Variants in SKI observed in about 807,000 individuals in gnomAD.
SKI encodes SKI proto-oncogene, also known as ski oncogene.
A neutral mutation model predicts 59.3 loss-of-function variants in SKI; 23 were observed. That is an observed-to-expected ratio of 0.39 (90% CI 0.28 to 0.55). The LOEUF (loss-of-function observed/expected upper bound fraction) is 0.55, where lower values mean the gene tolerates loss of function less well. Among genes scored for constraint, SKI ranks in the 20% least tolerant of loss-of-function variants. The probability of loss-of-function intolerance (pLI) is 0.67; values close to 1 mark genes in which losing one functional copy is unlikely to be tolerated. For synonymous variants in SKI, 673 were observed against 488.6 expected (o/e 1.38, Z -4.98); for missense variants, 1,017 against 1,038.9 (o/e 0.98, Z 0.29).
Position 2,303,896 on chromosome 1 carries a change from C to T in SKI, c.1268C>T (p.Pro423Leu), listed in dbSNP as rs752779978. The T allele has an allele frequency of 2.2e-5, 36 of 1,612,214 alleles. No homozygotes were observed. Among genetic ancestry groups the T allele is most frequent in the Non-Finnish European group, 2.7e-5 (32 of 1,179,812 alleles). ...GTGGCGCCCAACGTGGCCCTCGCAC[C>T]GCCGGCCCAGCAGAAGGTTGTGAGC... Reference protein sequence around the residue: ...TAVAPNVALAPPAQQKVVSSP... With the variant: ...TAVAPNVALALPAQQKVVSSP... Residue 423 changes from proline to leucine, a missense_variant, in exon 4 of 7, where the codon CCG (proline) becomes CTG (leucine). Transcript: ENST00000378536. This position sits in a 1 kb window ranked among gnomAD's most constrained non-coding sequence, Gnocchi z 5.6.
chr1:2,261,469 C>T (rs578165295), intron 1 of SKI, among the ~76,000 whole-genome samples: 13 of 152,178 alleles, frequency 8.5e-5, no homozygotes, highest in Non-Finnish European at 1.8e-4. Flanking sequence ...CAGGTTTTTA[C>T]CATCTTTTGT....
chr1:2,252,143 C>T (rs748257699), intron 1 of SKI, among the ~76,000 whole-genome samples: 9 of 152,174 alleles, frequency 5.9e-5, no homozygotes, highest in East Asian at 1.9e-4. Context: ...GCAGGTAGGG[C>T]GCTCTTCAGA....
At chr1:2,290,820 T>A (rs1282526566) in intron 1 of SKI, among the ~76,000 whole-genome samples, 1 of 152,326 alleles carries the variant, frequency 6.6e-6, no homozygotes, top group Non-Finnish European at 1.5e-5. Flanking sequence ...CTGCCGCTCT[T>A]ACGAAACACT....
chr1:2,303,299 T>G lies in SKI; in HGVS notation c.1110T>G (p.Val370=), dbSNP rs1640473889. ...TTTCTCGACAGAGCCTGGGCTGTGT[T>G]CACCCTCGCCAGCGCCTCTCTGCTT... is the stretch of plus-strand genomic sequence containing the variant. The part of the protein sequence containing the change: ...AGSSNKSLGC[V]HPRQRLSAFR... The change falls in exon 3 of 7, where the codon GTT becomes GTG. Residue 370 remains valine, a synonymous_variant. Coordinates refer to ENST00000378536, the MANE Select transcript of SKI (RefSeq NM_003036.4). This position sits in a 1 kb window ranked among gnomAD's most constrained non-coding sequence, Gnocchi z 5.6. 1 of 1,613,568 alleles carries G rather than the reference T, an allele frequency of 6.2e-7. No homozygotes were observed. The highest frequency in any genetic ancestry group is 1.3e-5 in the African/African-American group (1 of 74,912).
At chr1:2,305,812 G>T (rs1640558638) in intron 5 of SKI, among the ~76,000 whole-genome samples, 1 of 152,198 alleles carries the variant, frequency 6.6e-6, no homozygotes. Flanking sequence ...AGCTGCCACA[G>T]GCCTGGCGGA....
At chr1:2,238,258 G>A (rs534765555) in intron 1 of SKI, among the ~76,000 whole-genome samples, 58 of 152,382 alleles carry the variant, frequency 3.8e-4, no homozygotes, top group African/African-American at 1.3e-3. Context: ...AAGCCTCTGC[G>A]TGGCAGTGGA....
At chr1:2,260,616 C>T (rs1422398943) in intron 1 of SKI, among the ~76,000 whole-genome samples, 1 of 133,620 alleles carries the variant, frequency 7.5e-6, no homozygotes, top group Non-Finnish European at 1.5e-5. Context: ...TCTGGGCTCA[C>T]TGCAGCCTTT....
chr1:2,266,401 C>T (rs971147529), intron 1 of SKI, among the ~76,000 whole-genome samples: 5 of 152,186 alleles, frequency 3.3e-5, no homozygotes, highest in Non-Finnish European at 5.9e-5. Context: ...TTCCAGCCGC[C>T]ATGCTCTCCC....
At chr1:2,236,478 C>G (rs1010447734) in intron 1 of SKI, among the ~76,000 whole-genome samples, 1 of 152,090 alleles carries the variant, frequency 6.6e-6, no homozygotes, top group African/African-American at 2.4e-5. Flanking sequence ...GTGATCTCGG[C>G]TCACTGCAAC....
chr1:2,228,843 T>A lies in SKI; in HGVS notation c.77T>A (p.Leu26Gln). 1 of 1,413,718 alleles carries A rather than the reference T, an allele frequency of 7.1e-7. No individual in the cohort carries two copies. The highest frequency in any genetic ancestry group is 2.4e-5 in the Admixed American group (1 of 40,932). 87.6% of individuals were successfully genotyped at this position (1,413,718 alleles called of 1,614,324 possible). ...GLQKTLEQFH[L>Q]SSMSSLGGPA... ...CAGAAGACGCTGGAGCAGTTCCACC[T>A]GAGCTCCATGAGCTCGCTGGGCGGC... Residue 26 changes from leucine (L) to glutamine (Q), a missense_variant, in exon 1 of 7, where the codon CTG becomes CAG. Transcript: ENST00000378536.
chr1:2,268,062 C>G lies in SKI; in HGVS notation c.970-34916C>G, dbSNP rs938069315. 2.6e-5 allele frequency among the ~76,000 whole-genome samples: 4 copies of G among 152,186 alleles called. No individual in the cohort carries two copies. The highest frequency in any genetic ancestry group is 9.7e-5 in the African/African-American group (4 of 41,448). ...GCAGGTTCCCACAGGCCAGGGCACT[C>G]CCAACAGCACTGCGTGGAGCTGGTG... On this transcript the variant is annotated intron_variant, in intron 1 of 6. Transcript: ENST00000378536. This position sits in a 1 kb window ranked among gnomAD's most constrained non-coding sequence, Gnocchi z 5.0.
At chr1:2,246,304 G>C (rs759068524) in intron 1 of SKI, among the ~76,000 whole-genome samples, 1 of 152,080 alleles carries the variant, frequency 6.6e-6, no homozygotes, top group Admixed American at 6.5e-5. Flanking sequence ...GCATTTTTTC[G>C]TGTGCTTATT....
Position 2,304,391 on chromosome 1 carries a change from G to C in SKI, c.1573G>C (p.Val525Leu), listed in dbSNP as rs141961299. The C allele has an allele frequency of 6.4e-7, 1 of 1,552,272 alleles. No individual in the cohort carries two copies. Among genetic ancestry groups the C allele is most frequent in the Admixed American group, 1.9e-5 (1 of 51,360 alleles). Residue 525 changes from valine (V) to leucine (L), a missense_variant, in exon 5 of 7, where the codon GTC becomes CTC. Physicochemically the swap from Val to Leu is conservative, Grantham distance 32. Coordinates refer to ENST00000378536, the MANE Select transcript of SKI (RefSeq NM_003036.4). The part of the protein sequence containing the change: ...SPGARALPSA[V>L]PDAAAPADAP... ...GGGTGCGCGTGCCCTGCCCTCGGCC[G>C]TCCCTGATGCTGCGGCCCCTGCCGA... is the stretch of plus-strand genomic sequence containing the variant.
rs375600617 is a variant in SKI at position 2,303,897 on chromosome 1, G to A, written c.1269G>A (p.Pro423=). 71 of 1,612,214 alleles carry A rather than the reference G, an allele frequency of 4.4e-5. No individual in the cohort carries two copies. The highest frequency in any genetic ancestry group is 3.2e-4 in the African/African-American group (24 of 75,006). The change falls in exon 4 of 7, where the codon CCG becomes CCA. Residue 423 remains proline, a synonymous_variant. Transcript: ENST00000378536. This position sits in a 1 kb window ranked among gnomAD's most constrained non-coding sequence, Gnocchi z 5.6. The part of the protein sequence containing the change: ...TAVAPNVALA[P]PAQQKVVSSP... The stretch of plus-strand genomic sequence containing the variant: ...TGGCGCCCAACGTGGCCCTCGCACC[G>A]CCGGCCCAGCAGAAGGTTGTGAGCA...
At chr1:2,233,095 C>T (rs551528866) in intron 1 of SKI, among the ~76,000 whole-genome samples, 3 of 152,326 alleles carry the variant, frequency 2.0e-5, no homozygotes, top group African/African-American at 7.2e-5. Context: ...GCCCCTTGTC[C>T]CGCAGAACGT....
intron 5 of SKI, among the ~76,000 whole-genome samples, chr1:2,305,594 G>A (rs1031644020): frequency 1.4e-4 from 21 of 152,200 alleles, no homozygotes; most frequent in African/African-American, 4.8e-4. Context: ...GGGGGCTTGC[G>A]GAGGCGCCGG....
At chr1:2,230,750 ACACACAG>A (rs1313132984) in intron 1 of SKI, among the ~76,000 whole-genome samples, 9 of 152,212 alleles carry the variant, frequency 5.9e-5, no homozygotes, top group Non-Finnish European at 1.5e-5. Context: ...ATTAAATTGC[ACACACAG>A]AATGCTGCAT....
chr1:2,228,686 C>G lies in SKI; in HGVS notation c.-81C>G. On this transcript the variant is annotated 5_prime_UTR_variant, in exon 1 of 7. Coordinates refer to ENST00000378536, the MANE Select transcript of SKI (RefSeq NM_003036.4). Reference sequence around the variant, plus strand: ...CCGGGGTCGGGGCCGCGGGCGCCGCCGGGGCGCGCGGGGCGGCGGCGGGGG... The same window carrying G: ...CCGGGGTCGGGGCCGCGGGCGCCGCGGGGGCGCGCGGGGCGGCGGCGGGGG... 2 of 888,570 alleles carry G rather than the reference C, an allele frequency of 2.3e-6. No homozygotes were observed. Among genetic ancestry groups the G allele is most frequent in the Non-Finnish European group, 2.7e-6 (2 of 747,264 alleles). 55.0% of individuals were successfully genotyped at this position (888,570 alleles called of 1,614,324 possible).
At chr1:2,250,936 GCC>G (rs937268846) in intron 1 of SKI, among the ~76,000 whole-genome samples, 2 of 152,372 alleles carry the variant, frequency 1.3e-5, no homozygotes, top group African/African-American at 4.8e-5. Flanking sequence ...GGAGCAAGCG[GCC>G]CCCATGCTTT....
Sources: allele counts gnomAD v4.1 joint callset (sites outside exome capture counted in the v4.1 genomes callset), GRCh38; gene constraint gnomAD v4.1.1; non-coding constraint Gnocchi (gnomAD v3.1); transcripts MANE v1.5; gene names NCBI Gene and HGNC (gene_info 2026-07-23, HGNC 2026-07-21).